Variants in NBAS observed in about 807,000 individuals in gnomAD.
NBAS encodes the protein NBAS subunit of NRZ tethering complex.
NBAS carries 219 observed loss-of-function variants against 302.5 expected under a neutral mutation model. That is an observed-to-expected ratio of 0.72 (90% CI 0.65 to 0.81). The LOEUF is 0.81. Among genes scored for constraint, NBAS ranks in the 30% least tolerant of loss-of-function variants. NBAS has a pLI of 0.00. For synonymous variants in NBAS, 1,118 were observed against 1,021.6 expected (o/e 1.09, Z -1.80); for missense variants, 2,932 against 2,841.6 (o/e 1.03, Z -0.72).
the NBAS span, among the ~76,000 whole-genome samples, chr2:14,843,838 A>C: frequency 6.6e-6 from 1 of 152,068 alleles, no homozygotes; most frequent in Non-Finnish European, 1.5e-5. Flanking sequence ...ACCATACTGA[A>C]CTCAGGTGAT....
At chr2:15,365,049 C>T (rs1170862313) in intron 32 of NBAS, among the ~76,000 whole-genome samples, 2 of 152,134 alleles carry the variant, frequency 1.3e-5, no homozygotes, top group African/African-American at 4.8e-5. Context: ...TTTACAGAAG[C>T]CATGCACTAT....
chr2:15,330,170 CAA>C (rs1672258042), intron 36 of NBAS, among the ~76,000 whole-genome samples: 1 of 152,148 alleles, frequency 6.6e-6, no homozygotes, highest in South Asian at 2.1e-4. Context: ...GAATGCAGAG[CAA>C]ACTCAATTGC....
chr2:15,206,116 T>C (rs916263092), intron 48 of NBAS, among the ~76,000 whole-genome samples: 12 of 152,158 alleles, frequency 7.9e-5, no homozygotes, highest in African/African-American at 2.7e-4. Flanking sequence ...TTGACCAAAA[T>C]GCTGATAGTG....
chr2:14,817,193 A>G, the NBAS span, among the ~76,000 whole-genome samples: 3 of 152,226 alleles, frequency 2.0e-5, no homozygotes, highest in Admixed American at 2.0e-4. Context: ...CATGTTGTCA[A>G]GAAAAGAATT....
chr2:15,113,863 C>A, the NBAS span, among the ~76,000 whole-genome samples: 1 of 151,548 alleles, frequency 6.6e-6, no homozygotes, highest in African/African-American at 2.4e-5. Flanking sequence ...AAGATAAAAT[C>A]AAAAACCACC....
chr2:15,165,215 T>C (rs923840481), downstream of NBAS, among the ~76,000 whole-genome samples: 5 of 152,246 alleles, frequency 3.3e-5, no homozygotes, highest in African/African-American at 1.2e-4. Flanking sequence ...AGAAAACCCA[T>C]TACTAGTAAG....
At chr2:15,362,788 T>C (rs1674001212) in intron 32 of NBAS, among the ~76,000 whole-genome samples, 2 of 152,118 alleles carry the variant, frequency 1.3e-5, no homozygotes, top group African/African-American at 2.4e-5. Context: ...ATCTGGGTGG[T>C]ATTGTGAAGG....
chr2:15,372,127 T>C (rs114048847), intron 31 of NBAS, among the ~76,000 whole-genome samples: 521 of 152,302 alleles, frequency 3.4e-3, no homozygotes, highest in Non-Finnish European at 6.7e-3. Context: ...AGTGTAACTA[T>C]AATGCTGTAA....
the NBAS span, among the ~76,000 whole-genome samples, chr2:14,998,305 A>T: frequency 1.3e-5 from 2 of 152,240 alleles, no homozygotes; most frequent in Non-Finnish European, 2.9e-5. Context: ...TTTCAGAACT[A>T]GTAAGTGAAA....
chr2:14,928,270 T>C, the NBAS span, among the ~76,000 whole-genome samples: 3 of 152,214 alleles, frequency 2.0e-5, no homozygotes, highest in Non-Finnish European at 4.4e-5. Context: ...GCAAGCCTAG[T>C]GAACACAGCA....
At chr2:15,006,371 T>C in the NBAS span, among the ~76,000 whole-genome samples, 2 of 152,174 alleles carry the variant, frequency 1.3e-5, no homozygotes, top group Non-Finnish European at 2.9e-5. Context: ...AGTGAAAAAA[T>C]GGAAAACACC....
chr2:15,251,267 T>G (rs553027941), intron 44 of NBAS, among the ~76,000 whole-genome samples: 2 of 151,902 alleles, frequency 1.3e-5, no homozygotes, highest in African/African-American at 4.8e-5. Flanking sequence ...TGAGAACACA[T>G]GGACACAGGG....
At chr2:14,793,020 TAAG>T in the NBAS span, among the ~76,000 whole-genome samples, 1 of 152,250 alleles carries the variant, frequency 6.6e-6, no homozygotes, top group Admixed American at 6.5e-5. Context: ...TGTGTTCTTA[TAAG>T]AAGAGACACT....
In NBAS at chr2:15,538,469, C is replaced by T. The variant is rs6431710; in HGVS notation, c.513+754G>A. 2,088 of 283,358 alleles carry T rather than the reference C, an allele frequency of 7.4e-3. 38 individuals carry two copies. Among genetic ancestry groups the T allele is most frequent in the African/African-American group, 0.043 (1,939 of 45,174 alleles). The allele number at this position is 283,358 out of a possible 1,614,324, so 17.6% of individuals were successfully genotyped here. A position where few individuals can be genotyped will look rare whatever the true frequency, so the allele number is the denominator to read the frequency against. The stretch of plus-strand genomic sequence containing the variant: ...TTATAAACAATATTAATACCCAGGC[C>T]CCACAAAGATCAAATGAATCAGAAT... On this transcript the variant is annotated intron_variant, in intron 7 of 51. Coordinates refer to ENST00000281513, the MANE Select transcript of NBAS (RefSeq NM_015909.4).
the NBAS span, among the ~76,000 whole-genome samples, chr2:14,792,715 A>G: frequency 6.6e-6 from 1 of 152,174 alleles, no homozygotes; most frequent in South Asian, 2.1e-4. Context: ...GTCCCCAAAC[A>G]TAATAGACAA....
At chr2:15,167,424 T>C (rs1572384444) in intron 51 of NBAS, 101 bp from the exon 52 acceptor site, 1 of 1,448,702 alleles carries the variant, frequency 6.9e-7, no homozygotes, top group Admixed American at 1.9e-5. Flanking sequence ...TCATCATTCA[T>C]GCCCTGGCCT....
the NBAS span, among the ~76,000 whole-genome samples, chr2:14,822,427 C>T: frequency 2.6e-5 from 4 of 152,124 alleles, no homozygotes; most frequent in African/African-American, 9.7e-5. Context: ...TCTCAGCTGT[C>T]TTCATGGACT....
intron 21 of NBAS, among the ~76,000 whole-genome samples, chr2:15,431,037 T>G (rs1677740132): frequency 6.6e-6 from 1 of 151,540 alleles, no homozygotes; most frequent in African/African-American, 2.4e-5. Context: ...AAACTCCTGA[T>G]CCCAGGTAAT....
chr2:14,900,271 T>G, the NBAS span, among the ~76,000 whole-genome samples: 1 of 152,026 alleles, frequency 6.6e-6, no homozygotes, highest in East Asian at 1.9e-4. Flanking sequence ...CAGTGCAAGA[T>G]GCATAAGCAT....
Sources: allele counts gnomAD v4.1 joint callset (sites outside exome capture counted in the v4.1 genomes callset), GRCh38; gene constraint gnomAD v4.1.1; transcripts MANE v1.5; gene names NCBI Gene and HGNC (gene_info 2026-07-23, HGNC 2026-07-21).